PICALM: variants seen among roughly 807,000 people sequenced by gnomAD.
PICALM encodes phosphatidylinositol-binding clathrin assembly protein.
Under a neutral mutation model 80.5 loss-of-function variants are expected in PICALM, and 40 were observed. That is an observed-to-expected ratio of 0.50 (90% CI 0.39 to 0.65). PICALM has a LOEUF of 0.65. Among genes scored for constraint, PICALM ranks in the 30% least tolerant of loss-of-function variants. PICALM has a pLI of 0.00. For synonymous variants in PICALM, 288 were observed against 260.3 expected (o/e 1.11, Z -1.02); for missense variants, 676 against 778.9 (o/e 0.87, Z 1.57).
At position 86,001,021 on chromosome 11, in the gene PICALM, A is replaced by C. The variant is rs760820815; in HGVS notation, c.1017+14T>G. ...GTACTCATTTTTCGAAATAAGGAGA[A>C]TGCACAAACTTACCTTTAAAGCTTT... On this transcript the variant is annotated intron_variant, in intron 10 of 19. Coordinates refer to ENST00000393346, the MANE Select transcript of PICALM (RefSeq NM_007166.4). 1.8e-5 allele frequency: 29 copies of C among 1,613,678 alleles called. No homozygotes were observed. The highest frequency in any genetic ancestry group is 2.5e-5 in the Non-Finnish European group (29 of 1,179,794).
At chr11:85,978,649 TA>T (rs2094350846) in intron 17 of PICALM, 1 of 152,128 alleles carries the variant, frequency 6.6e-6, no homozygotes, top group Non-Finnish European at 1.5e-5. Context: ...GAAAACTCCA[TA>T]AAATACATAT....
intron 1 of PICALM, among the ~76,000 whole-genome samples, chr11:86,066,686 T>C (rs1187015392): frequency 6.6e-6 from 1 of 151,456 alleles, no homozygotes; most frequent in East Asian, 1.9e-4. Flanking sequence ...ATTCTTATTT[T>C]GAATGAGGAA....
intron 4 of PICALM, among the ~76,000 whole-genome samples, chr11:86,015,290 T>G (rs1257516868): frequency 1.3e-5 from 2 of 152,218 alleles, no homozygotes; most frequent in Non-Finnish European, 2.9e-5. Context: ...TCACAATCAT[T>G]GGTGTGTAAA....
rs561909185 is a variant in PICALM at position 86,001,080 on chromosome 11, C to T, written c.972G>A (p.Lys324=). The T allele has an allele frequency of 1.6e-5, 26 of 1,614,152 alleles. 1 individual carries two copies. In the South Asian group the frequency reaches 2.6e-4, roughly 16 times the overall value. Reference sequence around the variant, plus strand: ...CCTGTTCTTCCTCTAATGCTGCCTGCTTTTCCCTTTCATCCACTTTGGTCA... The same window carrying T: ...CCTGTTCTTCCTCTAATGCTGCCTGTTTTTCCCTTTCATCCACTTTGGTCA... The part of the protein sequence containing the change: ...LSLTKVDERE[K]QAALEEEQAR... Residue 324 remains lysine (K), a synonymous_variant, in exon 10 of 20, where the codon AAG becomes AAA. Transcript: ENST00000393346.
chr11:86,048,528 G>A (rs2096117191), intron 1 of PICALM, among the ~76,000 whole-genome samples: 1 of 151,978 alleles, frequency 6.6e-6, no homozygotes, highest in African/African-American at 2.4e-5. Flanking sequence ...AATTACTAAA[G>A]CTAATGTTAA....
chr11:85,960,586 G>T (rs2093656663), intron 19 of PICALM: 1 of 534,030 alleles, frequency 1.9e-6, no homozygotes, highest in Non-Finnish European at 3.3e-6. Context: ...GTCCTTTAAA[G>T]AAATGAAAGA....
At chr11:86,026,744 T>A (rs1159176711) in intron 2 of PICALM, among the ~76,000 whole-genome samples, 3 of 152,144 alleles carry the variant, frequency 2.0e-5, no homozygotes, top group Non-Finnish European at 4.4e-5. Context: ...AAAAAAATAC[T>A]TCTAAACATA....
At chr11:86,060,809 A>C (rs1199523693) in intron 1 of PICALM, among the ~76,000 whole-genome samples, 5 of 152,180 alleles carry the variant, frequency 3.3e-5, no homozygotes, top group African/African-American at 4.8e-5. Flanking sequence ...CACAGACCTA[A>C]ATGTAAAATG....
At chr11:85,989,067 T>C (rs1463389907) in intron 13 of PICALM, among the ~76,000 whole-genome samples, 1 of 152,172 alleles carries the variant, frequency 6.6e-6, no homozygotes, top group Non-Finnish European at 1.5e-5. Flanking sequence ...AAGCTACCTA[T>C]TACACTGATC....
chr11:86,064,096 T>C (rs2096409456), intron 1 of PICALM, among the ~76,000 whole-genome samples: 1 of 152,220 alleles, frequency 6.6e-6, no homozygotes, highest in South Asian at 2.1e-4. Context: ...TACAGTCTGG[T>C]ATGTTATACG....
At chr11:86,051,171 T>G (rs1384507207) in intron 1 of PICALM, among the ~76,000 whole-genome samples, 1 of 152,202 alleles carries the variant, frequency 6.6e-6, no homozygotes, top group Non-Finnish European at 1.5e-5. Context: ...AGAAACTGTT[T>G]CTGGTATTCG....
At chr11:86,063,820 T>C (rs72950456) in intron 1 of PICALM, among the ~76,000 whole-genome samples, 23,971 of 151,796 alleles carry the variant, frequency 0.16, 2,440 homozygotes, top group Middle Eastern at 0.24. Flanking sequence ...CAGGAAAGAA[T>C]AGGAAGCCCA....
intron 2 of PICALM, among the ~76,000 whole-genome samples, chr11:86,027,796 T>C (rs1029962941): frequency 6.6e-6 from 1 of 152,118 alleles, no homozygotes; most frequent in Non-Finnish European, 1.5e-5. Flanking sequence ...CTCAGGATTA[T>C]AGGTATGAGA....
At chr11:86,060,522 T>G (rs2096342923) in intron 1 of PICALM, among the ~76,000 whole-genome samples, 1 of 152,118 alleles carries the variant, frequency 6.6e-6, no homozygotes, top group South Asian at 2.1e-4. Flanking sequence ...CACTGTACAG[T>G]GGTTCTTGAA....
At chr11:86,037,924 T>C (rs2095871720) in intron 1 of PICALM, among the ~76,000 whole-genome samples, 1 of 152,224 alleles carries the variant, frequency 6.6e-6, no homozygotes, top group African/African-American at 2.4e-5. Flanking sequence ...TACTGTAATT[T>C]ATTCCACACC....
At chr11:86,054,968 A>G (rs2096247115) in intron 1 of PICALM, among the ~76,000 whole-genome samples, 2 of 151,942 alleles carry the variant, frequency 1.3e-5, no homozygotes, top group Admixed American at 1.3e-4. Flanking sequence ...CTGGACTGTC[A>G]CCATTTTTCC....
intron 13 of PICALM, among the ~76,000 whole-genome samples, chr11:85,988,869 G>C (rs1212290772): frequency 1.3e-5 from 2 of 152,184 alleles, no homozygotes; most frequent in Non-Finnish European, 2.9e-5. Context: ...ACCCAACACT[G>C]TATCTCATTA....
chr11:86,044,784 G>A (rs982554118), intron 1 of PICALM, among the ~76,000 whole-genome samples: 3 of 152,156 alleles, frequency 2.0e-5, no homozygotes, highest in Non-Finnish European at 2.9e-5. Flanking sequence ...ATAGGAGCGC[G>A]ACCCCTATTG....
intron 19 of PICALM, among the ~76,000 whole-genome samples, chr11:85,971,350 T>C (rs1384691558): frequency 6.6e-6 from 1 of 152,222 alleles, no homozygotes; most frequent in Non-Finnish European, 1.5e-5. Flanking sequence ...CCTGTTTTTT[T>C]TCATGCACAA....
Sources: allele counts gnomAD v4.1 joint callset (sites outside exome capture counted in the v4.1 genomes callset), GRCh38; gene constraint gnomAD v4.1.1; transcripts MANE v1.5; gene names NCBI Gene and HGNC (gene_info 2026-07-23, HGNC 2026-07-21).